The following LAMB1 variants were observed in gnomAD, a reference collection of about 807,000 sequenced individuals.
LAMB1 encodes the protein laminin subunit beta-1.
A neutral mutation model predicts 222.3 loss-of-function variants in LAMB1; 121 were observed. The observed-to-expected ratio is 0.54, with a 90% CI of 0.47 to 0.63. The LOEUF (loss-of-function observed/expected upper bound fraction) is 0.63, where lower values mean the gene tolerates loss of function less well. LAMB1 is among the 30% of genes least tolerant of loss of function. The pLI is 0.00. For synonymous variants in LAMB1, 794 were observed against 807.2 expected (o/e 0.98, Z 0.28); for missense variants, 2,172 against 2,240.8 (o/e 0.97, Z 0.62).
chr7:107,929,651 G>A, intron 29 of LAMB1, 32 bp from the exon 30 acceptor site: 1 of 1,571,466 alleles, frequency 6.4e-7, no homozygotes, highest in Middle Eastern at 1.7e-4. Flanking sequence ...CCAAAAAGAG[G>A]TGAAAAGAAT....
rs1460287403 is a variant in LAMB1 at position 107,961,327 on chromosome 7, T to C, written c.1988A>G (p.Tyr663Cys). The change falls in exon 17 of 34, where the codon TAT becomes TGT. Residue 663 changes from tyrosine to cysteine, a missense_variant and splice_region_variant. Tyr to Cys is a radical substitution (Grantham distance 194). Coordinates refer to ENST00000222399, the MANE Select transcript of LAMB1 (RefSeq NM_002291.3). ...QVVSLSPGSRYVVLPRPVCFE... is the reference protein window; with the variant it reads ...QVVSLSPGSRCVVLPRPVCFE... ...GCACACCGGCCGAGGAAGGACGACATATCTGCCCCCAAACAAAAAAGAAAG... is the reference window on the plus strand; with the variant it reads ...GCACACCGGCCGAGGAAGGACGACACATCTGCCCCCAAACAAAAAAGAAAG... 5 of 1,612,656 alleles carry C rather than the reference T, an allele frequency of 3.1e-6. No individual in the cohort carries two copies. The highest frequency in any genetic ancestry group is 4.2e-6 in the Non-Finnish European group (5 of 1,179,682).
At chr7:107,983,447 G>C (rs1407970710) in intron 7 of LAMB1, among the ~76,000 whole-genome samples, 3 of 151,450 alleles carry the variant, frequency 2.0e-5, no homozygotes, top group African/African-American at 7.3e-5. Context: ...GATAGTCACA[G>C]CAACATCAAC....
rs904640878 is a variant in LAMB1 at position 108,002,108 on chromosome 7, C to T, written c.38-375G>A. On this transcript the variant is annotated intron_variant, in intron 2 of 33. Transcript: ENST00000222399. ...CCGGAGCCCGGCGCAGGGAGGCTGA[C>T]CCCCAAAGGGCCACACACCCACGCA... 13 of 1,477,502 alleles carry T rather than the reference C, an allele frequency of 8.8e-6. No homozygotes were observed. In the Admixed American group the frequency reaches 2.4e-4, roughly 27 times the overall value. The allele number at this position is 1,477,502 out of a possible 1,614,324, so 91.5% of individuals were successfully genotyped here.
At chr7:107,948,198 G>A (rs187039437) in intron 24 of LAMB1, among the ~76,000 whole-genome samples, 2 of 152,202 alleles carry the variant, frequency 1.3e-5, no homozygotes, top group Admixed American at 1.3e-4. Context: ...TGTTGGTCCG[G>A]CTGGTGTCGG....
At chr7:107,928,995 C>CAA (rs2032637937) in intron 31 of LAMB1, 69 bp downstream of exon 31, 9 of 1,440,720 alleles carry the variant, frequency 6.2e-6, no homozygotes, top group Non-Finnish European at 8.7e-6. Flanking sequence ...TCATAGATAA[C>CAA]AAATGTACTT....
At chr7:107,983,927 AT>A (rs1292898251) in intron 7 of LAMB1, among the ~76,000 whole-genome samples, 1 of 152,226 alleles carries the variant, frequency 6.6e-6, no homozygotes, top group African/African-American at 2.4e-5. Context: ...ACCGTAACAT[AT>A]GGATTCAAGA....
intron 13 of LAMB1, among the ~76,000 whole-genome samples, chr7:107,970,716 A>G (rs2033731723): frequency 6.6e-6 from 1 of 151,658 alleles, no homozygotes; most frequent in African/African-American, 2.4e-5. Context: ...GATTATTTAA[A>G]TTAATTAGGT....
In LAMB1 at chr7:107,924,362, A is replaced by G; in HGVS notation, c.5092T>C (p.Tyr1698His). 1 of 1,610,080 alleles carries G rather than the reference A, an allele frequency of 6.2e-7. No individual in the cohort carries two copies. Among genetic ancestry groups the G allele is most frequent in the East Asian group, 2.2e-5 (1 of 44,814 alleles). The change falls in exon 33 of 34, where the codon TAT becomes CAT. Residue 1698 changes from tyrosine to histidine, a missense_variant. Tyr to His is a moderately conservative substitution (Grantham distance 83). Transcript: ENST00000222399. ...KTLDGELDEKYKKVENLIAKK... is the reference protein window; with the variant it reads ...KTLDGELDEKHKKVENLIAKK... Reference sequence around the variant, plus strand: ...GCAATTAAATTTTCTACTTTTTTATACTTTTCATCAAGTTCACCATCTAAA... The same window carrying G: ...GCAATTAAATTTTCTACTTTTTTATGCTTTTCATCAAGTTCACCATCTAAA...
At chr7:107,964,708 C>T (rs1429943167) in intron 13 of LAMB1, 21 bp from the exon 14 acceptor site, 16 of 1,613,690 alleles carry the variant, frequency 9.9e-6, no homozygotes, top group Non-Finnish European at 1.3e-5. Flanking sequence ...GGAGGAGCCA[C>T]ATCAGCTGAG....
Position 107,926,261 on chromosome 7 carries a change from A to G in LAMB1, c.4986T>C (p.Ala1662=). 3.1e-6 allele frequency: 5 copies of G among 1,614,030 alleles called. No individual in the cohort carries two copies. Among genetic ancestry groups the G allele is most frequent in the Non-Finnish European group, 4.2e-6 (5 of 1,179,878 alleles). Residue 1662 remains alanine (A), a synonymous_variant, in exon 32 of 34, where the codon GCT becomes GCC. Coordinates refer to ENST00000222399, the MANE Select transcript of LAMB1 (RefSeq NM_002291.3). The stretch of plus-strand genomic sequence containing the variant: ...ATTCTGCCTCCCCGGAGTTTTGGGC[A>G]GCTTTCCGCTTAAGTTCTTCCACAT... ...ERNVEELKRK[A]AQNSGEAEYI...
intron 28 of LAMB1, 96 bp downstream of exon 28, chr7:107,932,078 G>T: frequency 9.0e-7 from 1 of 1,110,774 alleles, no homozygotes; most frequent in Non-Finnish European, 1.4e-6. Context: ...TTTCATTTCA[G>T]TTAGCATTTA....
In LAMB1 at chr7:107,969,220, G is replaced by A. The variant is rs926465858; in HGVS notation, c.1562+3772C>T. ...GGAGAATGGCATGAACCTGGGATGC[G>A]GAGCTTGCAGTGAGCCAAGATCGCG... On this transcript the variant is annotated intron_variant, in intron 13 of 33. Coordinates refer to ENST00000222399, the MANE Select transcript of LAMB1 (RefSeq NM_002291.3). Among the ~76,000 whole-genome samples the A allele has an allele frequency of 2.6e-5, 4 of 151,508 alleles. 1 individual carries two copies. The highest frequency in any genetic ancestry group is 4.4e-5 in the Non-Finnish European group (3 of 67,894).
chr7:107,956,809 C>T (rs2033387593), intron 20 of LAMB1, among the ~76,000 whole-genome samples: 2 of 152,154 alleles, frequency 1.3e-5, no homozygotes, highest in Non-Finnish European at 2.9e-5. Flanking sequence ...CAAACTCAGG[C>T]AGGGATGGGT....
chr7:107,948,773 C>CT (rs569971634), intron 24 of LAMB1, among the ~76,000 whole-genome samples: 53 of 152,280 alleles, frequency 3.5e-4, no homozygotes, highest in African/African-American at 1.3e-3. Context: ...ACACTCTTGG[C>CT]TATGGGACCT....
intron 24 of LAMB1, among the ~76,000 whole-genome samples, chr7:107,945,189 TAA>T (rs2033090228): frequency 6.6e-6 from 1 of 152,248 alleles, no homozygotes; most frequent in South Asian, 2.1e-4. Flanking sequence ...CTATTTTTAC[TAA>T]GTTTTCTTAT....
intron 9 of LAMB1, among the ~76,000 whole-genome samples, chr7:107,976,120 A>G (rs2033848727): frequency 6.6e-6 from 1 of 152,218 alleles, no homozygotes; most frequent in Non-Finnish European, 1.5e-5. Context: ...TCTGTGGAAG[A>G]GAATGGGCTA....
At chr7:107,944,251 A>G (rs993169536) in intron 24 of LAMB1, among the ~76,000 whole-genome samples, 1 of 152,172 alleles carries the variant, frequency 6.6e-6, no homozygotes, top group Non-Finnish European at 1.5e-5. Flanking sequence ...TTTCGTTGCC[A>G]AAGACATGTC....
Position 107,986,232 on chromosome 7 carries a change from G to C in LAMB1, c.555C>G (p.Val185=), listed in dbSNP as rs370325523. ...PGISTGPMKK[V]DDIICDSRYS... ...ATCGAGAATCACAAATTATGTCATC[G>C]ACTTTTTTCATGGGGCCAGTTGAAA... is the stretch of plus-strand genomic sequence containing the variant. The change falls in exon 6 of 34, where the codon GTC becomes GTG. Residue 185 remains valine, a synonymous_variant. Transcript: ENST00000222399. The C allele has an allele frequency of 6.0e-5, 97 of 1,614,108 alleles. No individual in the cohort carries two copies. Among genetic ancestry groups the C allele is most frequent in the Middle Eastern group, 3.3e-4 (2 of 6,062 alleles).
At chr7:107,970,351 G>A (rs138610786) in intron 13 of LAMB1, among the ~76,000 whole-genome samples, 218 of 152,104 alleles carry the variant, frequency 1.4e-3, no homozygotes, top group Non-Finnish European at 2.5e-3. Flanking sequence ...AGCTGAGTGT[G>A]GTAGCTGGTG....
Sources: gnomAD v4.1 joint callset for allele counts (sites outside exome capture counted in the v4.1 genomes callset) on GRCh38, gnomAD v4.1.1 for gene constraint, MANE v1.5 for transcripts, NCBI Gene and HGNC (gene_info 2026-07-23, HGNC 2026-07-21) for gene names.